LITAF: variants seen among roughly 807,000 people sequenced by gnomAD.
LITAF encodes lipopolysaccharide induced TNF factor, also known as lipopolysaccharide-induced tumor necrosis factor-alpha factor.
Under a neutral mutation model 14.5 loss-of-function variants are expected in LITAF, and 9 were observed. The ratio of observed to expected loss-of-function variants is 0.62; its 90% CI spans 0.37 to 1.08. LITAF has a LOEUF of 1.08. LITAF is among the 50% of genes least tolerant of loss of function. LITAF has a pLI of 0.01. For missense variants in LITAF, 206 were observed against 213.4 expected, an observed-to-expected ratio of 0.97 and a Z score of 0.22; for synonymous variants, 98 against 88.2, an observed-to-expected ratio of 1.11 and a Z score of -0.62.
intron 3 of LITAF, among the ~76,000 whole-genome samples, chr16:11,550,268 T>C (rs1052852449): frequency 6.6e-6 from 1 of 152,168 alleles, no homozygotes; most frequent in Non-Finnish European, 1.5e-5. Flanking sequence ...TTTTTTATTA[T>C]TAGGAGAGTT....
chr16:11,630,570 CTTTTT>C (rs66732953), intron 3 of LITAF, among the ~76,000 whole-genome samples: 1 of 114,234 alleles, frequency 8.8e-6, no homozygotes, highest in Non-Finnish European at 1.7e-5. Context: ...CCCTGGCCAA[CTTTTT>C]TTTTTTTTTT....
chr16:11,626,304 A>C (rs2065083559), intron 3 of LITAF, among the ~76,000 whole-genome samples: 1 of 151,272 alleles, frequency 6.6e-6, no homozygotes, highest in Non-Finnish European at 1.5e-5. Context: ...TCAGCCTCCC[A>C]AGCAGCTGGG....
chr16:11,562,737 T>C (rs1234626372), intron 1 of LITAF, among the ~76,000 whole-genome samples: 3 of 151,818 alleles, frequency 2.0e-5, no homozygotes, highest in African/African-American at 4.8e-5. Context: ...TCTCTACAAA[T>C]GGTACAAAAA....
At chr16:11,570,585 T>C (rs1022752289) in intron 1 of LITAF, among the ~76,000 whole-genome samples, 1 of 152,188 alleles carries the variant, frequency 6.6e-6, no homozygotes, top group Admixed American at 6.5e-5. Context: ...ATATGTGACC[T>C]TAAGTGGTAA....
At chr16:11,602,122 G>A (rs1341080422), upstream of LITAF, among the ~76,000 whole-genome samples, 1 of 152,180 alleles carries the variant, frequency 6.6e-6, no homozygotes, top group Non-Finnish European at 1.5e-5. Flanking sequence ...AACTTTTGGG[G>A]AGGCCGAGGC....
chr16:11,629,112 C>T (rs2065102984), intron 3 of LITAF: 1 of 152,368 alleles, frequency 6.6e-6, no homozygotes, highest in African/African-American at 2.4e-5. Flanking sequence ...CTCAGGCTTG[C>T]CCCCTCTTAC....
intron 1 of LITAF, among the ~76,000 whole-genome samples, chr16:11,559,349 T>C (rs1464261512): frequency 1.3e-5 from 2 of 152,234 alleles, no homozygotes; most frequent in Non-Finnish European, 2.9e-5. Context: ...AATGAATTTT[T>C]ACTTGTATTT....
upstream of LITAF, chr16:11,587,639 A>G: frequency 4.3e-6 from 1 of 230,268 alleles, no homozygotes; most frequent in Non-Finnish European, 9.0e-6. Context: ...GCCGCCAGGT[A>G]GGCCTTTCTC....
chr16:11,551,069 G>T (rs1000552958), intron 3 of LITAF, among the ~76,000 whole-genome samples: 1 of 152,128 alleles, frequency 6.6e-6, no homozygotes, highest in Non-Finnish European at 1.5e-5. Flanking sequence ...GGCACACACA[G>T]GCAGGAACCT....
chr16:11,587,224 CACCCGTCCG>C, upstream of LITAF: 1 of 382,154 alleles, frequency 2.6e-6, no homozygotes. Flanking sequence ...GTGCCAGCCC[CACCCGTCCG>C]CCCCCGACAG....
chr16:11,582,284 C>T (rs1334641348), intron 1 of LITAF, among the ~76,000 whole-genome samples: 1 of 93,096 alleles, frequency 1.1e-5, no homozygotes, highest in Middle Eastern at 7.5e-3. Flanking sequence ...AAAACAAGAG[C>T]AAGATATAGT....
At chr16:11,584,292 ATCCTCTTTTT>A (rs1463030138) in intron 1 of LITAF, 1 of 140,264 alleles carries the variant, frequency 7.1e-6, no homozygotes, top group East Asian at 2.6e-4. Context: ...CCTCTTGCAG[ATCCTCTTTTT>A]TCCACCCTCA....
At chr16:11,607,542 CG>C (rs1567261878) in intron 3 of LITAF, among the ~76,000 whole-genome samples, 1 of 149,160 alleles carries the variant, frequency 6.7e-6, no homozygotes, top group African/African-American at 2.5e-5. Flanking sequence ...GGGTATCATT[CG>C]GGAAAAAAAA....
rs2064814506 is a variant in LITAF, at chr16:11,586,915, G to A, written c.-35C>T. ...GCCCGCGCCGCCTGTCGAGCCGGGA[G>A]GTCTGAGCTGGCCTCTCGGGCGCCC... On this transcript the variant is annotated 5_prime_UTR_variant, in exon 1 of 4. Coordinates refer to ENST00000622633, the MANE Select transcript of LITAF (RefSeq NM_001136472.2). This position sits in a 1 kb window ranked among gnomAD's most constrained non-coding sequence, Gnocchi z 6.5. The A allele has an allele frequency of 6.6e-6, 1 of 151,000 alleles. No homozygotes were observed. The highest frequency in any genetic ancestry group is 1.5e-5 in the Non-Finnish European group (1 of 67,640). The allele number at this position is 151,000 out of a possible 1,614,324, so 9.4% of individuals were successfully genotyped here.
At chr16:11,613,142 C>T (rs1443378993) in intron 3 of LITAF, among the ~76,000 whole-genome samples, 1 of 152,128 alleles carries the variant, frequency 6.6e-6, no homozygotes, top group Non-Finnish European at 1.5e-5. Context: ...TGGGTTCAAG[C>T]GATTCTCCTG....
intron 2 of LITAF, among the ~76,000 whole-genome samples, chr16:11,555,058 G>C (rs987601084): frequency 1.9e-4 from 29 of 152,086 alleles, no homozygotes; most frequent in African/African-American, 6.7e-4. Flanking sequence ...GGGGGGACAA[G>C]GTCTTGTTGT....
intron 1 of LITAF, among the ~76,000 whole-genome samples, chr16:11,592,946 T>G (rs1460669322): frequency 7.2e-5 from 11 of 151,932 alleles, no homozygotes; most frequent in Admixed American, 6.6e-4. Context: ...CGAGGTGGGT[T>G]GATCACGAGG....
intron 1 of LITAF, among the ~76,000 whole-genome samples, chr16:11,560,480 G>C (rs569807997): frequency 6.6e-6 from 1 of 151,410 alleles, no homozygotes; most frequent in Non-Finnish European, 1.5e-5. Flanking sequence ...GTCTGGTGGC[G>C]TGCGCCTGTA....
intron 3 of LITAF, among the ~76,000 whole-genome samples, chr16:11,611,030 G>A (rs1412470070): frequency 1.3e-5 from 2 of 151,938 alleles, no homozygotes; most frequent in African/African-American, 2.4e-5. Context: ...TCTATGAGTC[G>A]TCCTACCTCC....
Sources: gnomAD v4.1 joint callset for allele counts (sites outside exome capture counted in the v4.1 genomes callset) on GRCh38, gnomAD v4.1.1 for gene constraint, Gnocchi (gnomAD v3.1) non-coding constraint, MANE v1.5 for transcripts, NCBI Gene and HGNC (gene_info 2026-07-23, HGNC 2026-07-21) for gene names.